The following DDX60 variants were observed in gnomAD, a reference collection of about 807,000 sequenced individuals.
DDX60 encodes the protein DExD/H-box helicase 60.
In DDX60, 165 loss-of-function variants were observed where a neutral mutation model predicts 212.8. The observed-to-expected ratio is 0.78, with a 90% CI of 0.68 to 0.88. The LOEUF (loss-of-function observed/expected upper bound fraction) is 0.88, where lower values mean the gene tolerates loss of function less well. DDX60 is among the 40% of genes least tolerant of loss of function. The pLI, the probability that DDX60 is intolerant of heterozygous loss-of-function variation, is 0.00. For missense variants in DDX60, 1,905 were observed against 2,003.9 expected (o/e 0.95, Z 0.94); for synonymous variants, 703 against 685.3 (o/e 1.03, Z -0.40).
intron 25 of DDX60, 46 bp from the exon 26 acceptor site, chr4:168,255,915 C>G: frequency 1.3e-6 from 2 of 1,533,034 alleles, no homozygotes; most frequent in Non-Finnish European, 1.7e-6. Flanking sequence ...ATCATAAATA[C>G]AATTCAAAAC....
At chr4:168,279,131 A>G (rs1351800466) in intron 14 of DDX60, among the ~76,000 whole-genome samples, 1 of 152,242 alleles carries the variant, frequency 6.6e-6, no homozygotes, top group Non-Finnish European at 1.5e-5. Context: ...CAGACTGAAG[A>G]AGACATACAC....
intron 6 of DDX60, among the ~76,000 whole-genome samples, chr4:168,295,297 G>A (rs530342949): frequency 3.4e-4 from 52 of 152,306 alleles, no homozygotes; most frequent in Admixed American, 3.3e-3. Context: ...GAAGGACTTC[G>A]TACTTCTATA....
At position 168,268,989 on chromosome 4, in the gene DDX60, A is replaced by G; in HGVS notation, c.2671-20T>C. On this transcript the variant is annotated intron_variant, in intron 19 of 37. Transcript: ENST00000393743. ...ATGAACCTATTAAACAAAAAAAAAAAAATCTCAACTGAAAAGTTGATTTAA... is the reference window on the plus strand; with the variant it reads ...ATGAACCTATTAAACAAAAAAAAAAGAATCTCAACTGAAAAGTTGATTTAA... 7.2e-7 allele frequency: 1 copy of G among 1,394,150 alleles called. No individual in the cohort carries two copies. Among genetic ancestry groups the G allele is most frequent in the Non-Finnish European group, 9.8e-7 (1 of 1,018,282 alleles). The allele number at this position is 1,394,150 out of a possible 1,614,324, so 86.4% of individuals were successfully genotyped here. A position where few individuals can be genotyped will look rare whatever the true frequency, so the allele number is the denominator to read the frequency against.
chr4:168,250,213 T>C (rs1734166904), intron 28 of DDX60, among the ~76,000 whole-genome samples: 1 of 152,142 alleles, frequency 6.6e-6, no homozygotes, highest in Admixed American at 6.5e-5. Flanking sequence ...TTTGCCAAAG[T>C]ATTTATTTAG....
intron 24 of DDX60, among the ~76,000 whole-genome samples, chr4:168,261,626 TA>T (rs1734626521): frequency 6.6e-6 from 1 of 152,130 alleles, no homozygotes; most frequent in Non-Finnish European, 1.5e-5. Context: ...AAAAGGACAA[TA>T]AACTGCAAGT....
At chr4:168,237,493 A>G in intron 31 of DDX60, 66 bp from the exon 32 acceptor site, 1 of 1,414,722 alleles carries the variant, frequency 7.1e-7, no homozygotes, top group Admixed American at 2.4e-5. Context: ...CTTATTAAGT[A>G]CCAGTTTAAA....
intron 7 of DDX60, 44 bp downstream of exon 7, chr4:168,293,743 G>A (rs1736213965): frequency 1.4e-6 from 2 of 1,470,044 alleles, no homozygotes; most frequent in Non-Finnish European, 1.8e-6. Context: ...AATTTCAAAT[G>A]TGGAGAGAAA....
chr4:168,242,750 T>A (rs1343348134), intron 30 of DDX60, among the ~76,000 whole-genome samples: 1 of 152,158 alleles, frequency 6.6e-6, no homozygotes, highest in Non-Finnish European at 1.5e-5. Context: ...TTTGAGTTAA[T>A]GCTGAAATGA....
At chr4:168,275,931 T>G in intron 15 of DDX60, 84 bp downstream of exon 15, 1 of 1,236,002 alleles carries the variant, frequency 8.1e-7, no homozygotes, top group Non-Finnish European at 1.1e-6. Flanking sequence ...AAAAAAAATC[T>G]GGAAGAGATG....
intron 14 of DDX60, among the ~76,000 whole-genome samples, chr4:168,279,339 C>T (rs1295172984): frequency 1.3e-5 from 2 of 152,198 alleles, no homozygotes; most frequent in Admixed American, 1.3e-4. Flanking sequence ...AAAATGAAAA[C>T]ATTGAGATTG....
At chr4:168,256,878 AGAG>A (rs1365166616) in intron 25 of DDX60, among the ~76,000 whole-genome samples, 1 of 152,258 alleles carries the variant, frequency 6.6e-6, no homozygotes, top group African/African-American at 2.4e-5. Context: ...AAGTTTTTAT[AGAG>A]CTAACATCAA....
intron 16 of DDX60, among the ~76,000 whole-genome samples, 182 bp downstream of exon 16, chr4:168,275,163 A>G (rs1345461506): frequency 6.6e-6 from 1 of 152,212 alleles, no homozygotes; most frequent in Non-Finnish European, 1.5e-5. Context: ...TCTATATAAT[A>G]AAAGAAAATC....
At chr4:168,312,351 A>G (rs1737172129) in intron 1 of DDX60, among the ~76,000 whole-genome samples, 1 of 152,186 alleles carries the variant, frequency 6.6e-6, no homozygotes, top group Non-Finnish European at 1.5e-5. Context: ...AGTCTAGAGG[A>G]CAAATACAAA....
intron 24 of DDX60, 101 bp from the exon 25 acceptor site, chr4:168,261,090 T>G (rs1358358222): frequency 3.2e-5 from 42 of 1,328,484 alleles, no homozygotes; most frequent in Non-Finnish European, 4.3e-5. Flanking sequence ...TATATGTTTT[T>G]GGGTTTTTTT....
intron 1 of DDX60, among the ~76,000 whole-genome samples, chr4:168,313,326 A>C (rs138981973): frequency 1.5e-4 from 23 of 152,310 alleles, no homozygotes; most frequent in African/African-American, 5.5e-4. Context: ...TAAAGTTGTG[A>C]AACTACATGA....
At chr4:168,309,182 T>C (rs1737024054) in intron 3 of DDX60, among the ~76,000 whole-genome samples, 1 of 152,138 alleles carries the variant, frequency 6.6e-6, no homozygotes, top group Non-Finnish European at 1.5e-5. Context: ...CCAAACACAA[T>C]AAAAAGTGAT....
rs144653089 is a variant in DDX60 at position 168,273,966 on chromosome 4, C to T, written c.2422G>A (p.Asp808Asn). Residue 808 changes from aspartate (D) to asparagine (N), a missense_variant, in exon 17 of 38, where the codon GAC (aspartate) becomes AAC (asparagine). Transcript: ENST00000393743. ...CMEKVLKESD[D>N]GVVVYVAPTK... is the part of the protein sequence containing the mutation. The stretch of plus-strand genomic sequence containing the variant: ...GGTGCAACGTACACGACCACCCCGT[C>T]GTCGCTCTCCTTCAGCACTTTCTCC... 62 of 1,614,132 alleles carry T rather than the reference C, an allele frequency of 3.8e-5. No homozygotes were observed. The African/African-American group carries it at 6.8e-4, about 18-fold the overall frequency.
At chr4:168,243,361 C>T (rs1014130978) in intron 30 of DDX60, among the ~76,000 whole-genome samples, 4 of 151,870 alleles carry the variant, frequency 2.6e-5, no homozygotes, top group South Asian at 2.1e-4. Flanking sequence ...ATTATCCATC[C>T]AACAAATGTC....
chr4:168,237,813 T>C lies in DDX60; in HGVS notation c.4165-18A>G, dbSNP rs1191362627. On this transcript the variant is annotated intron_variant, in intron 30 of 37. Transcript: ENST00000393743. Reference sequence around the variant, plus strand: ...GATAGCACCTTTAAAGAAAAGAGTATTTTTAGACACACAATGTTAAGTGTT... The same window carrying C: ...GATAGCACCTTTAAAGAAAAGAGTACTTTTAGACACACAATGTTAAGTGTT... 6.4e-7 allele frequency: 1 copy of C among 1,555,926 alleles called. No individual in the cohort carries two copies. Among genetic ancestry groups the C allele is most frequent in the Non-Finnish European group, 8.8e-7 (1 of 1,138,708 alleles).
Sources: allele counts gnomAD v4.1 joint callset (sites outside exome capture counted in the v4.1 genomes callset), GRCh38; gene constraint gnomAD v4.1.1; transcripts MANE v1.5; gene names NCBI Gene and HGNC (gene_info 2026-07-23, HGNC 2026-07-21).